SGCZ: variants seen among roughly 807,000 people sequenced by gnomAD.
SGCZ encodes sarcoglycan zeta, also known as zeta-sarcoglycan.
SGCZ carries 40 observed loss-of-function variants against 41.3 expected under a neutral mutation model. The ratio of observed to expected loss-of-function variants is 0.97; its 90% CI spans 0.75 to 1.26. The LOEUF (loss-of-function observed/expected upper bound fraction) is 1.26. Ranked by LOEUF, SGCZ falls within the 50% of genes most tolerant of loss-of-function variation. SGCZ has a pLI of 0.00. For synonymous variants in SGCZ, 206 were observed against 137.5 expected (o/e 1.50, Z -3.49); for missense variants, 552 against 369.8 (o/e 1.49, Z -4.04).
chr8:14,570,163 A>G (rs1804507995), intron 1 of SGCZ, among the ~76,000 whole-genome samples: 1 of 152,102 alleles, frequency 6.6e-6, no homozygotes, highest in Non-Finnish European at 1.5e-5. Flanking sequence ...TTGTTTACAC[A>G]TGTAACTCCT....
chr8:14,642,961 C>A (rs1044520159), intron 1 of SGCZ, among the ~76,000 whole-genome samples: 1 of 151,392 alleles, frequency 6.6e-6, no homozygotes, highest in Non-Finnish European at 1.5e-5. Context: ...ATATTGCAAA[C>A]CCCTAGAAAA....
chr8:15,197,341 G>A (rs1019363874), intron 1 of SGCZ, among the ~76,000 whole-genome samples: 33 of 152,044 alleles, frequency 2.2e-4, no homozygotes, highest in South Asian at 6.2e-4. Flanking sequence ...GGCCTGTTTT[G>A]AAGAAAAAGA....
At chr8:15,158,399 T>C (rs1210834225) in intron 1 of SGCZ, among the ~76,000 whole-genome samples, 2 of 152,218 alleles carry the variant, frequency 1.3e-5, no homozygotes, top group Non-Finnish European at 2.9e-5. Flanking sequence ...GCATTTTTTA[T>C]GTGCATATAG....
intron 4 of SGCZ, among the ~76,000 whole-genome samples, chr8:14,170,958 C>A (rs918278444): frequency 3.0e-4 from 46 of 151,952 alleles, no homozygotes; most frequent in African/African-American, 1.1e-3. Context: ...GGATAATAAT[C>A]CTAGTGTCTT....
Position 14,908,974 on chromosome 8 carries a change from T to C in SGCZ, c.39+328611A>G, listed in dbSNP as rs147412971. ...TCTATAATTATGCCTATGTATTTTA[T>C]GTCATTATTTCTCTCCTAACACCTG... On this transcript the variant is annotated intron_variant, in intron 1 of 7. Transcript: ENST00000382080. Among the ~76,000 whole-genome samples the C allele has an allele frequency of 2.8e-3, 426 of 152,328 alleles. 3 individuals carry two copies. The highest frequency in any genetic ancestry group is 9.9e-3 in the African/African-American group (411 of 41,588).
chr8:15,032,133 T>C (rs947858614), intron 1 of SGCZ, among the ~76,000 whole-genome samples: 1 of 152,130 alleles, frequency 6.6e-6, no homozygotes, highest in Non-Finnish European at 1.5e-5. Context: ...ATATTTGGTA[T>C]TGTCTTCAGA....
At chr8:14,378,057 G>A (rs933470721) in intron 2 of SGCZ, among the ~76,000 whole-genome samples, 1 of 149,708 alleles carries the variant, frequency 6.7e-6, no homozygotes, top group Non-Finnish European at 1.5e-5. Context: ...TAATGGGATG[G>A]CTGGGTCAAA....
At chr8:14,564,955 G>T (rs1178920635) in intron 1 of SGCZ, among the ~76,000 whole-genome samples, 1 of 151,862 alleles carries the variant, frequency 6.6e-6, no homozygotes, top group African/African-American at 2.4e-5. Context: ...ATTTGGAGTG[G>T]ATTTTTTTTT....
intron 2 of SGCZ, among the ~76,000 whole-genome samples, chr8:14,370,685 T>A (rs1270795397): frequency 6.6e-6 from 1 of 151,960 alleles, no homozygotes; most frequent in Non-Finnish European, 1.5e-5. Context: ...TGGAAGCTAT[T>A]AAGCATACTA....
chr8:14,338,202 C>T (rs868853831), intron 2 of SGCZ, among the ~76,000 whole-genome samples: 2 of 152,240 alleles, frequency 1.3e-5, no homozygotes, highest in Middle Eastern at 3.4e-3. Context: ...GTCGTCTTAG[C>T]CTGAGAAAGG....
chr8:14,543,676 T>C (rs1012994102), intron 2 of SGCZ, among the ~76,000 whole-genome samples: 1 of 152,110 alleles, frequency 6.6e-6, no homozygotes, highest in Non-Finnish European at 1.5e-5. Flanking sequence ...CCATCTTAGT[T>C]AAGAACTTGG....
chr8:15,189,239 C>G (rs1417830548), intron 1 of SGCZ, among the ~76,000 whole-genome samples: 4 of 152,128 alleles, frequency 2.6e-5, no homozygotes, highest in Non-Finnish European at 4.4e-5. Flanking sequence ...TCAATTTTGT[C>G]AGAAAGTAAA....
chr8:14,514,666 T>A (rs564951584), intron 2 of SGCZ, among the ~76,000 whole-genome samples: 1 of 148,044 alleles, frequency 6.8e-6, no homozygotes, highest in Non-Finnish European at 1.5e-5. Context: ...TTTACATATA[T>A]ATGTAAATAT....
intron 5 of SGCZ, among the ~76,000 whole-genome samples, chr8:14,120,067 C>T (rs1320281254): frequency 6.6e-6 from 1 of 151,860 alleles, no homozygotes; most frequent in Middle Eastern, 3.4e-3. Flanking sequence ...CAGAATTACA[C>T]AAGAAAGAAA....
chr8:14,362,235 C>T (rs1563280299), intron 2 of SGCZ, among the ~76,000 whole-genome samples: 1 of 152,160 alleles, frequency 6.6e-6, no homozygotes, highest in South Asian at 2.1e-4. Context: ...CAGGCAGGGA[C>T]ATTTAAGTCT....
intron 1 of SGCZ, among the ~76,000 whole-genome samples, chr8:14,737,012 G>C (rs1799056382): frequency 6.7e-6 from 1 of 150,038 alleles, no homozygotes; most frequent in South Asian, 2.1e-4. Flanking sequence ...AAGAAACTCT[G>C]GTATATAGAT....
intron 1 of SGCZ, among the ~76,000 whole-genome samples, chr8:14,608,719 C>G (rs1240788195): frequency 1.5e-4 from 23 of 151,908 alleles, no homozygotes; most frequent in Admixed American, 1.5e-3. Flanking sequence ...ATGGGGGATC[C>G]ACCCCCACGG....
intron 4 of SGCZ, 93 bp downstream of exon 4, chr8:14,237,499 C>CA (rs1554484642): frequency 2.8e-4 from 326 of 1,155,984 alleles, no homozygotes; most frequent in South Asian, 4.9e-4. Flanking sequence ...ACAACAACAA[C>CA]AACAACAACG....
At chr8:14,476,487 A>C (rs1418528919) in intron 2 of SGCZ, among the ~76,000 whole-genome samples, 1 of 152,056 alleles carries the variant, frequency 6.6e-6, no homozygotes, top group Non-Finnish European at 1.5e-5. Flanking sequence ...TATAATAATA[A>C]AAATTAAAGT....
Sources: allele counts gnomAD v4.1 joint callset (sites outside exome capture counted in the v4.1 genomes callset), GRCh38; gene constraint gnomAD v4.1.1; transcripts MANE v1.5; gene names NCBI Gene and HGNC (gene_info 2026-07-23, HGNC 2026-07-21).